PRKCA: variants seen among roughly 807,000 people sequenced by gnomAD.
The protein encoded by PRKCA is protein kinase C alpha type.
In PRKCA, 27 loss-of-function variants were observed where a neutral mutation model predicts 87.0. That is an observed-to-expected ratio of 0.31 (90% CI 0.23 to 0.43). PRKCA has a LOEUF of 0.43. PRKCA is among the 20% of genes least tolerant of loss of function. PRKCA has a pLI of 1.00. For synonymous variants in PRKCA, 329 were observed against 311.1 expected (o/e 1.06, Z -0.61); for missense variants, 518 against 852.3 (o/e 0.61, Z 4.88).
intron 3 of PRKCA, among the ~76,000 whole-genome samples, chr17:66,559,661 CTTCA>C (rs2143289604): frequency 6.6e-6 from 1 of 151,854 alleles, no homozygotes; most frequent in South Asian, 2.1e-4. Context: ...ACTTATAAGT[CTTCA>C]TTAAGTCCTT....
At chr17:66,775,344 T>A (rs1022345952) in intron 14 of PRKCA, 1 of 985,150 alleles carries the variant, frequency 1.0e-6, no homozygotes, top group African/African-American at 1.7e-5. Flanking sequence ...ACAGATCAGT[T>A]ACATAGGATA....
At chr17:66,451,861 G>A (rs1914341332) in intron 2 of PRKCA, among the ~76,000 whole-genome samples, 1 of 152,182 alleles carries the variant, frequency 6.6e-6, no homozygotes. Context: ...ACTCTAGGGT[G>A]ATCTCTAATA....
chr17:66,420,375 A>G (rs1217481087), intron 2 of PRKCA, among the ~76,000 whole-genome samples: 3 of 152,196 alleles, frequency 2.0e-5, no homozygotes, highest in African/African-American at 7.2e-5. Context: ...AGTCAGAACT[A>G]ATACAGATGG....
At chr17:66,498,454 G>T (rs940541454) in intron 3 of PRKCA, among the ~76,000 whole-genome samples, 11 of 152,130 alleles carry the variant, frequency 7.2e-5, no homozygotes, top group Admixed American at 6.5e-4. Context: ...TGAGTAGTTT[G>T]TCTGACTCCC....
At chr17:66,531,747 G>A (rs1391827258) in intron 3 of PRKCA, among the ~76,000 whole-genome samples, 1 of 152,188 alleles carries the variant, frequency 6.6e-6, no homozygotes, top group Non-Finnish European at 1.5e-5. Flanking sequence ...ATTATTGGCA[G>A]GCCTCAGTCC....
At chr17:66,503,648 C>CA (rs2144140229) in intron 3 of PRKCA, among the ~76,000 whole-genome samples, 1 of 152,302 alleles carries the variant, frequency 6.6e-6, no homozygotes, top group East Asian at 1.9e-4. Context: ...GTCTAGAAAG[C>CA]AAAATTGCTT....
intron 3 of PRKCA, among the ~76,000 whole-genome samples, chr17:66,505,763 C>G (rs900845487): frequency 6.6e-6 from 1 of 152,190 alleles, no homozygotes; most frequent in South Asian, 2.1e-4. Flanking sequence ...GACATCAAGT[C>G]TGGGAACAGA....
At chr17:66,457,167 G>C (rs1412634620) in intron 2 of PRKCA, among the ~76,000 whole-genome samples, 1 of 152,102 alleles carries the variant, frequency 6.6e-6, no homozygotes, top group Non-Finnish European at 1.5e-5. Flanking sequence ...CGTCGTCTTG[G>C]CCTGTTTTCT....
At chr17:66,480,699 T>G (rs1256348829) in intron 2 of PRKCA, among the ~76,000 whole-genome samples, 1 of 152,108 alleles carries the variant, frequency 6.6e-6, no homozygotes, top group East Asian at 1.9e-4. Flanking sequence ...ATTCCACCAT[T>G]GATTGAAACC....
chr17:66,366,382 C>T (rs754610126), intron 2 of PRKCA, among the ~76,000 whole-genome samples: 17 of 152,096 alleles, frequency 1.1e-4, no homozygotes, highest in Non-Finnish European at 2.4e-4. Flanking sequence ...TCCAGCGAGG[C>T]TTTTTCATAG....
chr17:66,755,328 A>C (rs1228966590), intron 13 of PRKCA, among the ~76,000 whole-genome samples: 2 of 152,130 alleles, frequency 1.3e-5, no homozygotes, highest in Middle Eastern at 3.2e-3. Flanking sequence ...AAAGCCCAGC[A>C]CTTTATTCAG....
At chr17:66,492,222 G>C (rs1035155470) in intron 2 of PRKCA, among the ~76,000 whole-genome samples, 2 of 152,128 alleles carry the variant, frequency 1.3e-5, no homozygotes, top group Admixed American at 6.6e-5. Context: ...AGGTGGGGAG[G>C]GGGTAGTTAA....
rs75178052 is a variant in PRKCA, at chr17:66,777,609, G to A, written c.1605+3542G>A. 7.3e-4 allele frequency: 718 copies of A among 985,208 alleles called. 4 individuals are homozygous for A. In the African/African-American group the frequency reaches 0.011, roughly 16 times the overall value. The allele number at this position is 985,208 out of a possible 1,614,324, so 61.0% of individuals were successfully genotyped here. A position where few individuals can be genotyped will look rare whatever the true frequency, so the allele number is the denominator to read the frequency against. ...CAGTAAAATTCGGCTCTGAATTACA[G>A]GCCCCCTAAGAGTCCTGCTTTTCAT... is the stretch of plus-strand genomic sequence containing the variant. On this transcript the variant is annotated intron_variant, in intron 14 of 16. Coordinates refer to ENST00000413366, the MANE Select transcript of PRKCA (RefSeq NM_002737.3).
intron 2 of PRKCA, among the ~76,000 whole-genome samples, chr17:66,468,448 A>G (rs974998748): frequency 1.3e-5 from 2 of 152,010 alleles, no homozygotes; most frequent in African/African-American, 4.8e-5. Context: ...CTGCACATGC[A>G]TTTTTTTTCC....
chr17:66,674,658 G>A (rs898549332), intron 5 of PRKCA, among the ~76,000 whole-genome samples: 6 of 152,280 alleles, frequency 3.9e-5, no homozygotes, highest in South Asian at 2.1e-4. Context: ...CAGATTAGAG[G>A]CCTGTTTTCC....
At chr17:66,632,514 G>A (rs1049587543) in intron 3 of PRKCA, among the ~76,000 whole-genome samples, 1 of 152,096 alleles carries the variant, frequency 6.6e-6, no homozygotes, top group African/African-American at 2.4e-5. Context: ...TGAGTAGCTG[G>A]GACTAAAGGC....
At chr17:66,434,652 A>G (rs369212311) in intron 2 of PRKCA, among the ~76,000 whole-genome samples, 4 of 140,900 alleles carry the variant, frequency 2.8e-5, no homozygotes, top group African/African-American at 1.0e-4. Context: ...TCCTAGGCAC[A>G]CGCCTTTTTT....
intron 3 of PRKCA, among the ~76,000 whole-genome samples, chr17:66,578,200 G>A (rs765578114): frequency 1.3e-5 from 2 of 149,832 alleles, no homozygotes; most frequent in African/African-American, 2.5e-5. Context: ...CTTTCATCTC[G>A]TCTGTCCCAG....
intron 2 of PRKCA, among the ~76,000 whole-genome samples, chr17:66,452,075 A>G (rs961402742): frequency 6.6e-6 from 1 of 152,194 alleles, no homozygotes; most frequent in African/African-American, 2.4e-5. Flanking sequence ...GAAGCCGTGT[A>G]TGGCCCCTCC....
Sources: gnomAD v4.1 joint callset for allele counts (sites outside exome capture counted in the v4.1 genomes callset) on GRCh38, gnomAD v4.1.1 for gene constraint, MANE v1.5 for transcripts, NCBI Gene and HGNC (gene_info 2026-07-23, HGNC 2026-07-21) for gene names.